IP6K2: variants seen among roughly 807,000 people sequenced by gnomAD.
The protein encoded by IP6K2 is inositol hexakisphosphate kinase 2, also known as ATP:1D-myo-inositol-hexakisphosphate phosphotransferase.
IP6K2 carries 9 observed loss-of-function variants against 43.3 expected under a neutral mutation model. That is an observed-to-expected ratio of 0.21 (90% CI 0.13 to 0.36). The LOEUF is 0.36. Among genes scored for constraint, IP6K2 ranks in the 10% least tolerant of loss-of-function variants. The probability of loss-of-function intolerance (pLI) is 1.00; values close to 1 mark genes in which losing one functional copy is unlikely to be tolerated. For synonymous variants in IP6K2, 209 were observed against 202.4 expected, an observed-to-expected ratio of 1.03 and a Z score of -0.28; for missense variants, 332 against 538.4, an observed-to-expected ratio of 0.62 and a Z score of 3.79.
At position 48,688,258 on chromosome 3, in the gene IP6K2, G is replaced by A; in HGVS notation, c.*15C>T. The stretch of plus-strand genomic sequence containing the variant: ...GACACAGAGTCGCTCTCAAGTACTG[G>A]AGCAGCTAGCAAGCTCACTCCCCAC... On this transcript the variant is annotated 3_prime_UTR_variant, in exon 6 of 6. Coordinates refer to ENST00000328631, the MANE Select transcript of IP6K2 (RefSeq NM_016291.4). The surrounding 1 kb of genome is among the most constrained non-coding windows in gnomAD (Gnocchi z 5.1). 1 of 1,610,446 alleles carries A rather than the reference G, an allele frequency of 6.2e-7. No individual in the cohort carries two copies. Among genetic ancestry groups the A allele is most frequent in the Non-Finnish European group, 8.5e-7 (1 of 1,177,104 alleles).
Position 48,688,281 on chromosome 3 carries a change from C to T in IP6K2, c.1273G>A (p.Gly425Arg). 6.2e-7 allele frequency: 1 copy of T among 1,613,240 alleles called. No homozygotes were observed. The highest frequency in any genetic ancestry group is 8.5e-7 in the Non-Finnish European group (1 of 1,179,216). Reference protein sequence around the residue: ...DIVTEISEESGE With the variant: ...DIVTEISEESRE ...TGGAGCAGCTAGCAAGCTCACTCCC[C>T]ACTCTCCTCACTTATCTCTGTGACA... Residue 425 changes from glycine (G) to arginine (R), a missense_variant, in exon 6 of 6, where the codon GGG becomes AGG. Coordinates refer to ENST00000328631, the MANE Select transcript of IP6K2 (RefSeq NM_016291.4). The surrounding 1 kb of genome is among the most constrained non-coding windows in gnomAD (Gnocchi z 5.1).
At position 48,695,344 on chromosome 3, in the gene IP6K2, A is replaced by C; in HGVS notation, c.-53T>G. On this transcript the variant is annotated 5_prime_UTR_variant, in exon 2 of 6. Transcript: ENST00000328631. The surrounding 1 kb of genome is among the most constrained non-coding windows in gnomAD (Gnocchi z 4.6). ...GGGGAGGCAGCGGAGTCCAGCGGCC[A>C]GTACGTCTTCTGTCTGTTGTTTGTC... is the stretch of plus-strand genomic sequence containing the variant. 1 of 1,564,240 alleles carries C rather than the reference A, an allele frequency of 6.4e-7. No individual in the cohort carries two copies. The highest frequency in any genetic ancestry group is 8.7e-7 in the Non-Finnish European group (1 of 1,155,446).
intron 1 of IP6K2, among the ~76,000 whole-genome samples, chr3:48,714,739 G>A (rs542612592): frequency 6.6e-5 from 10 of 151,454 alleles, no homozygotes; most frequent in Non-Finnish European, 1.3e-4. Flanking sequence ...CGCGGAGGCT[G>A]AGGCAGGCTG....
intron 1 of IP6K2, chr3:48,715,286 T>C (rs2081069130): frequency 2.0e-6 from 3 of 1,535,934 alleles, no homozygotes; most frequent in Non-Finnish European, 2.6e-6. Flanking sequence ...TGCATCCTCT[T>C]TATGAGCCAA....
At position 48,688,957 on chromosome 3, in the gene IP6K2, C is replaced by T. The variant is rs1449108281; in HGVS notation, c.781-184G>A. ...AGCCCCCACCTGGGATGCAGCCATC[C>T]AACCTGGGTTTGGTCATTGTGCCCC... On this transcript the variant is annotated intron_variant, in intron 5 of 5. Coordinates refer to ENST00000328631, the MANE Select transcript of IP6K2 (RefSeq NM_016291.4). The surrounding 1 kb of genome is among the most constrained non-coding windows in gnomAD (Gnocchi z 5.1). 2.6e-5 allele frequency among the ~76,000 whole-genome samples: 4 copies of T among 152,330 alleles called. No homozygotes were observed. Among genetic ancestry groups the T allele is most frequent in the South Asian group, 4.1e-4 (2 of 4,830 alleles).
chr3:48,694,672 T>A, intron 2 of IP6K2: 1 of 1,505,446 alleles, frequency 6.6e-7, no homozygotes. Context: ...TCCATCTGAC[T>A]CAACGCTGCT....
At chr3:48,700,618 A>G (rs1233458645) in intron 1 of IP6K2, among the ~76,000 whole-genome samples, 2 of 152,154 alleles carry the variant, frequency 1.3e-5, no homozygotes, top group Admixed American at 6.5e-5. Context: ...AAATCTATCA[A>G]ATTGGTTTAA....
At chr3:48,697,536 T>TCAC (rs2078533008) in intron 1 of IP6K2, among the ~76,000 whole-genome samples, 1 of 148,912 alleles carries the variant, frequency 6.7e-6, no homozygotes, top group Admixed American at 6.7e-5. Context: ...AGACAGGGTT[T>TCAC]CACCATGTTG....
At chr3:48,706,193 G>A (rs2079760189) in intron 1 of IP6K2, among the ~76,000 whole-genome samples, 1 of 151,958 alleles carries the variant, frequency 6.6e-6, no homozygotes, top group Admixed American at 6.6e-5. Context: ...AGCTACAAGA[G>A]TGAAACTCCA....
intron 1 of IP6K2, among the ~76,000 whole-genome samples, chr3:48,709,846 A>T (rs1265251267): frequency 6.6e-6 from 1 of 151,712 alleles, no homozygotes; most frequent in East Asian, 1.9e-4. Flanking sequence ...CAAAAAAAAA[A>T]AATTAATTAA....
At chr3:48,706,589 C>A (rs1559552385) in intron 1 of IP6K2, among the ~76,000 whole-genome samples, 1 of 152,136 alleles carries the variant, frequency 6.6e-6, no homozygotes, top group Non-Finnish European at 1.5e-5. Context: ...GTGGCTCAGG[C>A]TTGTAAAAGT....
chr3:48,715,200 G>C (rs1383709030), intron 1 of IP6K2: 1 of 1,038,420 alleles, frequency 9.6e-7, no homozygotes, highest in Non-Finnish European at 1.4e-6. Context: ...TAATGTATAA[G>C]AGTGTGTTCA....
chr3:48,693,448 T>C, intron 2 of IP6K2: 1 of 1,383,850 alleles, frequency 7.2e-7, no homozygotes, highest in Non-Finnish European at 9.5e-7. Context: ...ACAAGACACA[T>C]TTTTCCATCA....
At chr3:48,690,128 T>C (rs1209046924) in intron 4 of IP6K2, among the ~76,000 whole-genome samples, 1 of 152,240 alleles carries the variant, frequency 6.6e-6, no homozygotes, top group Non-Finnish European at 1.5e-5. Flanking sequence ...AATACTTTGC[T>C]CTTTAAACGT....
At position 48,695,403 on chromosome 3, in the gene IP6K2, T is replaced by C; in HGVS notation, c.-112A>G. On this transcript the variant is annotated 5_prime_UTR_variant, in exon 2 of 6. Transcript: ENST00000328631. This position sits in a 1 kb window ranked among gnomAD's most constrained non-coding sequence, Gnocchi z 4.6. ...CCTCTCGTCTTGGCTCCTTGGCTTGTTCTGGCCAGGATGCTCTGCTGGAAG... is the reference window on the plus strand; with the variant it reads ...CCTCTCGTCTTGGCTCCTTGGCTTGCTCTGGCCAGGATGCTCTGCTGGAAG... 6.9e-7 allele frequency: 1 copy of C among 1,448,854 alleles called. No homozygotes were observed. Among genetic ancestry groups the C allele is most frequent in the Non-Finnish European group, 9.1e-7 (1 of 1,100,032 alleles). 89.7% of individuals were successfully genotyped at this position (1,448,854 alleles called of 1,614,324 possible).
chr3:48,694,220 C>T (rs1230105216), intron 2 of IP6K2: 3 of 1,551,410 alleles, frequency 1.9e-6, no homozygotes, highest in African/African-American at 1.4e-5. Context: ...GGCCAGCTAA[C>T]AAGGGGCCTT....
intron 1 of IP6K2, among the ~76,000 whole-genome samples, chr3:48,714,637 C>T (rs1310096281): frequency 6.6e-6 from 1 of 152,106 alleles, no homozygotes; most frequent in Admixed American, 6.6e-5. Context: ...ATGATCCAAC[C>T]GCCTTGGCCT....
intron 1 of IP6K2, chr3:48,715,425 C>A (rs1264894658): frequency 6.5e-7 from 1 of 1,536,074 alleles, no homozygotes; most frequent in Non-Finnish European, 8.7e-7. Context: ...GGGAGACTGG[C>A]AAAGGTTCAT....
At chr3:48,693,915 A>C (rs746451944) in intron 2 of IP6K2, 44 of 1,300,712 alleles carry the variant, frequency 3.4e-5, no homozygotes, top group Non-Finnish European at 4.0e-5. Context: ...AGAACCTGCC[A>C]TGAGTAATTA....
Sources: allele counts gnomAD v4.1 joint callset (sites outside exome capture counted in the v4.1 genomes callset), GRCh38; gene constraint gnomAD v4.1.1; non-coding constraint Gnocchi (gnomAD v3.1); transcripts MANE v1.5; gene names NCBI Gene and HGNC (gene_info 2026-07-23, HGNC 2026-07-21).